ANGPTL1: variants seen among roughly 807,000 people sequenced by gnomAD.
The protein encoded by ANGPTL1 is angiopoietin-related protein 1.
A neutral mutation model predicts 46.7 loss-of-function variants in ANGPTL1; 36 were observed. The ratio of observed to expected loss-of-function variants is 0.77; its 90% CI spans 0.59 to 1.02. The LOEUF is 1.02. Among genes scored for constraint, ANGPTL1 ranks in the 50% least tolerant of loss-of-function variants. ANGPTL1 has a pLI of 0.00. For missense variants in ANGPTL1, 571 were observed against 594.7 expected (o/e 0.96, Z 0.41); for synonymous variants, 221 against 204.3 (o/e 1.08, Z -0.69).
intron 5 of ANGPTL1, among the ~76,000 whole-genome samples, chr1:178,852,320 A>G (rs1657225058): frequency 6.6e-6 from 1 of 152,166 alleles, no homozygotes; most frequent in Admixed American, 6.5e-5. Flanking sequence ...TAAGCTCCAA[A>G]GGGCGGGAAC....
intron 1 of ANGPTL1, among the ~76,000 whole-genome samples, chr1:178,869,549 T>C (rs1274023491): frequency 2.0e-5 from 3 of 152,062 alleles, no homozygotes; most frequent in African/African-American, 7.2e-5. Flanking sequence ...TCCCATAGCA[T>C]GCAACAACAA....
intron 5 of ANGPTL1, among the ~76,000 whole-genome samples, chr1:178,852,246 T>C (rs1657219590): frequency 6.6e-6 from 1 of 152,154 alleles, no homozygotes; most frequent in Non-Finnish European, 1.5e-5. Flanking sequence ...ATTTTCTTAC[T>C]CAGTTTTATT....
chr1:178,856,202 G>GATATATAT lies in ANGPTL1; in HGVS notation c.824-2423_824-2416dup, dbSNP rs55797277. Among the ~76,000 whole-genome samples, 139 of 83,866 alleles carry GATATATAT rather than the reference G, an allele frequency of 1.7e-3. 2 individuals carry two copies. The highest frequency in any genetic ancestry group is 2.6e-3 in the African/African-American group (41 of 15,568). The allele number at this position is 83,866 out of a possible 152,430, so 55.0% of individuals were successfully genotyped here. On this transcript the variant is annotated intron_variant, in intron 3 of 5. Transcript: ENST00000234816. ...ACCTGTACTTTTCCAGAGAGAGAGA[G>GATATATAT]ATATATATATATATATATATATATA...
intron 3 of ANGPTL1, among the ~76,000 whole-genome samples, chr1:178,861,223 C>G (rs1053986759): frequency 6.6e-6 from 1 of 151,640 alleles, no homozygotes; most frequent in Non-Finnish European, 1.5e-5. Context: ...CAGATTATCC[C>G]TTTGAATTTA....
intron 2 of ANGPTL1, among the ~76,000 whole-genome samples, chr1:178,868,124 T>G (rs1396538277): frequency 6.6e-6 from 1 of 152,010 alleles, no homozygotes; most frequent in Non-Finnish European, 1.5e-5. Flanking sequence ...TTTAGCTTTT[T>G]ATGTTTTCAT....
At chr1:178,861,811 G>A (rs1323663250) in intron 3 of ANGPTL1, among the ~76,000 whole-genome samples, 2 of 152,062 alleles carry the variant, frequency 1.3e-5, no homozygotes, top group East Asian at 3.9e-4. Flanking sequence ...TCTATACCCA[G>A]TGGGTCACTT....
intron 3 of ANGPTL1, among the ~76,000 whole-genome samples, chr1:178,860,256 G>A (rs902132201): frequency 6.9e-6 from 1 of 145,576 alleles, no homozygotes; most frequent in African/African-American, 2.4e-5. Context: ...TTCATTGATT[G>A]CAGCTTGTCA....
chr1:178,853,433 C>A, intron 4 of ANGPTL1, among the ~76,000 whole-genome samples, 161 bp downstream of exon 4: 1 of 152,008 alleles, frequency 6.6e-6, no homozygotes, highest in East Asian at 1.9e-4. Context: ...GACTTTAAAA[C>A]CAGAGATGAG....
In ANGPTL1 at chr1:178,868,501, A is replaced by G. The variant is rs149957680; in HGVS notation, c.-27+613T>C. Among the ~76,000 whole-genome samples, 563 of 152,134 alleles carry G rather than the reference A, an allele frequency of 3.7e-3. 3 individuals are homozygous for G. Among genetic ancestry groups the G allele is most frequent in the Middle Eastern group, 0.034 (10 of 294 alleles). ...AATGCAGGAAGTAATATAAAACTCT[A>G]AAACAAATAGAATTTTATGAGCAAT... On this transcript the variant is annotated intron_variant, in intron 2 of 5. Transcript: ENST00000234816.
rs1411245551 is a variant in ANGPTL1, at chr1:178,850,744, T to TA, written c.*384dup. ...AAAATGCATTATTTGGCTGAAATTT[T>TA]AAAAATATTTTTTTCACTAGACGTT... On this transcript the variant is annotated 3_prime_UTR_variant, in exon 6 of 6. Coordinates refer to ENST00000234816, the MANE Select transcript of ANGPTL1 (RefSeq NM_004673.4). 6.5e-6 allele frequency: 1 copy of TA among 154,598 alleles called. No homozygotes were observed. The highest frequency in any genetic ancestry group is 2.4e-5 in the African/African-American group (1 of 41,546). 9.6% of individuals were successfully genotyped at this position (154,598 alleles called of 1,614,324 possible).
intron 3 of ANGPTL1, among the ~76,000 whole-genome samples, chr1:178,862,593 TTTTATTTATTTATTTA>T (rs57690079): frequency 2.8e-4 from 39 of 140,756 alleles, no homozygotes; most frequent in African/African-American, 8.0e-4. Flanking sequence ...GTTGCATTTT[TTTTATTTATTTATTTA>T]TTTATTTATT....
At chr1:178,868,105 G>T (rs1359881249) in intron 2 of ANGPTL1, among the ~76,000 whole-genome samples, 1 of 151,590 alleles carries the variant, frequency 6.6e-6, no homozygotes, top group Non-Finnish European at 1.5e-5. Flanking sequence ...AGCACACATG[G>T]GTATTTTTTT....
chr1:178,864,390 G>A (rs563888100), intron 3 of ANGPTL1, among the ~76,000 whole-genome samples: 76 of 152,134 alleles, frequency 5.0e-4, no homozygotes, highest in African/African-American at 1.7e-3. Context: ...AGAAGGCATG[G>A]CTTTTGTACA....
chr1:178,869,862 A>C (rs1658641672), intron 1 of ANGPTL1, among the ~76,000 whole-genome samples: 1 of 152,068 alleles, frequency 6.6e-6, no homozygotes, highest in Non-Finnish European at 1.5e-5. Context: ...TAGTTTTTAT[A>C]ATGCATGTAA....
chr1:178,863,207 A>G (rs1215096929), intron 3 of ANGPTL1, among the ~76,000 whole-genome samples: 3 of 152,168 alleles, frequency 2.0e-5, no homozygotes, highest in Non-Finnish European at 2.9e-5. Context: ...CAAGAGACCA[A>G]AAAGGGGACA....
rs748078105 is a variant in ANGPTL1, at chr1:178,853,633, G to A, written c.978C>T (p.Asp326=). 22 of 1,606,202 alleles carry A rather than the reference G, an allele frequency of 1.4e-5. No individual in the cohort carries two copies. Among genetic ancestry groups the A allele is most frequent in the South Asian group, 5.6e-5 (5 of 89,812 alleles). The change falls in exon 4 of 6, where the codon GAC becomes GAT. Residue 326 remains aspartate, a synonymous_variant. Transcript: ENST00000234816. The part of the protein sequence containing the change: ...GGWTVIQKRT[D]GSVNFFRNWE... ...AATTTCTGAAGAAGTTGACAGAGCC[G>A]TCTGTTCTTTTCTGAATAACAGTCC...
chr1:178,860,266 A>T (rs1462291497), intron 3 of ANGPTL1, among the ~76,000 whole-genome samples: 1 of 150,718 alleles, frequency 6.6e-6, no homozygotes, highest in Non-Finnish European at 1.5e-5. Flanking sequence ...GCAGCTTGTC[A>T]GGTGTATTAT....
chr1:178,854,229 A>G (rs1657378995), intron 3 of ANGPTL1, among the ~76,000 whole-genome samples: 1 of 152,170 alleles, frequency 6.6e-6, no homozygotes, highest in African/African-American at 2.4e-5. Context: ...TAATATTATA[A>G]AAATGCTGAG....
chr1:178,858,814 T>A (rs1657763282), intron 3 of ANGPTL1, among the ~76,000 whole-genome samples: 1 of 152,198 alleles, frequency 6.6e-6, no homozygotes, highest in Non-Finnish European at 1.5e-5. Context: ...GCAGCTTTAC[T>A]GGGAGCCATC....
Sources: gnomAD v4.1 joint callset for allele counts (sites outside exome capture counted in the v4.1 genomes callset) on GRCh38, gnomAD v4.1.1 for gene constraint, MANE v1.5 for transcripts, NCBI Gene and HGNC (gene_info 2026-07-23, HGNC 2026-07-21) for gene names.